KYAT3: variants seen among roughly 807,000 people sequenced by gnomAD.
KYAT3 encodes the protein kynurenine--oxoglutarate transaminase 3.
In KYAT3, 50 loss-of-function variants were observed where a neutral mutation model predicts 59.0. The ratio of observed to expected loss-of-function variants is 0.85; its 90% CI spans 0.68 to 1.07. The LOEUF (loss-of-function observed/expected upper bound fraction) is 1.07. Ranked by LOEUF, KYAT3 falls within the 50% of genes least tolerant of loss-of-function variation. The pLI is 0.00. For missense variants in KYAT3, 497 were observed against 533.3 expected (o/e 0.93, Z 0.67); for synonymous variants, 148 against 177.0 (o/e 0.84, Z 1.30).
intron 5 of KYAT3, among the ~76,000 whole-genome samples, chr1:88,963,390 G>A (rs1212852009): frequency 1.3e-5 from 2 of 152,182 alleles, no homozygotes; most frequent in African/African-American, 4.8e-5. Flanking sequence ...TCATTAACAT[G>A]TTTCCTTAAA....
chr1:88,944,035 C>T (rs7522494), intron 11 of KYAT3, among the ~76,000 whole-genome samples: 5,799 of 152,094 alleles, frequency 0.038, 317 homozygotes, highest in African/African-American at 0.12. Context: ...TATATTATAC[C>T]TTTTTTTAAA....
the KYAT3 span, among the ~76,000 whole-genome samples, chr1:88,926,346 C>T: frequency 1.3e-5 from 2 of 152,132 alleles, no homozygotes; most frequent in Non-Finnish European, 2.9e-5. Context: ...GGGTCTCGCT[C>T]TGTCACCCAG....
At chr1:88,983,553 C>T (rs201750479) in intron 2 of KYAT3, 8 of 1,614,240 alleles carry the variant, frequency 5.0e-6, no homozygotes, top group Non-Finnish European at 6.8e-6. Flanking sequence ...CCATGTCTAC[C>T]TCTTTCAAAT....
At chr1:88,991,983 G>GTTTT (rs10638041) in intron 1 of KYAT3, among the ~76,000 whole-genome samples, 28,090 of 144,620 alleles carry the variant, frequency 0.19, 3,421 homozygotes, top group Non-Finnish European at 0.25. Flanking sequence ...TATTCTTTTG[G>GTTTT]TTTTTTTTTT....
At chr1:88,963,497 G>C (rs371914493) in intron 5 of KYAT3, among the ~76,000 whole-genome samples, 44 of 152,178 alleles carry the variant, frequency 2.9e-4, no homozygotes, top group African/African-American at 1.0e-3. Flanking sequence ...TATGATAAAG[G>C]GTTATGAGAG....
chr1:88,970,515 T>C (rs1676515306), intron 2 of KYAT3, among the ~76,000 whole-genome samples: 1 of 152,200 alleles, frequency 6.6e-6, no homozygotes, highest in Non-Finnish European at 1.5e-5. Flanking sequence ...AACTATTATA[T>C]AATTTTATAC....
At chr1:88,947,261 G>A (rs1675479999) in intron 11 of KYAT3, among the ~76,000 whole-genome samples, 1 of 152,172 alleles carries the variant, frequency 6.6e-6, no homozygotes, top group Non-Finnish European at 1.5e-5. Flanking sequence ...GTCTCTGCAG[G>A]AAACCTGCTT....
intron 2 of KYAT3, chr1:88,983,345 G>A (rs761539523): frequency 6.2e-7 from 1 of 1,614,000 alleles, no homozygotes; most frequent in Non-Finnish European, 8.5e-7. Context: ...TCTCTTAGGA[G>A]AAGGACCCCC....
chr1:88,983,555 C>T (rs1183599036), intron 2 of KYAT3: 1 of 1,614,150 alleles, frequency 6.2e-7, no homozygotes, highest in Admixed American at 1.7e-5. Flanking sequence ...ATGTCTACCT[C>T]TTTCAAATGA....
At chr1:88,975,679 T>C (rs898759267) in intron 2 of KYAT3, among the ~76,000 whole-genome samples, 1 of 152,242 alleles carries the variant, frequency 6.6e-6, no homozygotes, top group Admixed American at 6.5e-5. Flanking sequence ...CACAGAGTCA[T>C]GTGCTGCATA....
chr1:88,944,913 G>A (rs1675377785), intron 11 of KYAT3, among the ~76,000 whole-genome samples: 1 of 151,990 alleles, frequency 6.6e-6, no homozygotes, highest in Non-Finnish European at 1.5e-5. Context: ...GCACGATCTC[G>A]GCTCACTGCA....
intron 5 of KYAT3, among the ~76,000 whole-genome samples, chr1:88,963,817 G>A (rs1219554228): frequency 6.6e-6 from 1 of 152,232 alleles, no homozygotes; most frequent in Non-Finnish European, 1.5e-5. Context: ...ATGCTAATGG[G>A]AAATACGGGT....
At chr1:88,931,880 C>CAAAAAAAAAAAAAAA (rs57089214), downstream of KYAT3, among the ~76,000 whole-genome samples, 4 of 30,984 alleles carry the variant, frequency 1.3e-4, 2 homozygotes, top group Non-Finnish European at 1.2e-4. Context: ...CCTGCAACTG[C>CAAAAAAAAAAAAAAA]AAAAAAAAAA....
intron 2 of KYAT3, among the ~76,000 whole-genome samples, chr1:88,973,136 A>G (rs1323200960): frequency 6.6e-6 from 1 of 152,216 alleles, no homozygotes; most frequent in Non-Finnish European, 1.5e-5. Flanking sequence ...TGATGCTCCT[A>G]CCAGCCAAGG....
intron 13 of KYAT3, among the ~76,000 whole-genome samples, chr1:88,941,160 G>A (rs184445135): frequency 2.0e-5 from 3 of 152,296 alleles, no homozygotes; most frequent in Admixed American, 6.5e-5. Flanking sequence ...TCAATCCAGT[G>A]TAAGATGAAG....
Position 88,977,262 on chromosome 1 carries a change from C to T in KYAT3, c.100-7795G>A, listed in dbSNP as rs188183322. 9.9e-4 allele frequency among the ~76,000 whole-genome samples: 150 copies of T among 152,238 alleles called. 3 individuals are homozygous for T. The highest frequency in any genetic ancestry group is 9.2e-3 in the Admixed American group (141 of 15,292). On this transcript the variant is annotated intron_variant, in intron 2 of 13. Transcript: ENST00000260508. The stretch of plus-strand genomic sequence containing the variant: ...TGTTGCCCAGGTTGGAATGCAACGG[C>T]GCAATCTTGGCTCATTGCAACCTCC...
In KYAT3 at chr1:88,984,204, CTTTTTTTT is replaced by C. The variant is rs908183722; in HGVS notation, c.99+4040_99+4047del. The C allele has an allele frequency of 7.3e-3, 596 of 81,756 alleles. 3 individuals are homozygous for C. The highest frequency in any genetic ancestry group is 0.024 in the African/African-American group (546 of 22,868). The allele number at this position is 81,756 out of a possible 1,614,324, so 5.1% of individuals were successfully genotyped here. On this transcript the variant is annotated intron_variant, in intron 2 of 13. Coordinates refer to ENST00000260508, the MANE Select transcript of KYAT3 (RefSeq NM_001008661.3). ...ATTAACAGGAGCCCTTTTTTTGTTG[CTTTTTTTT>C]TTTTTTTTTTTTTTTTTTGTAGACA...
chr1:88,945,044 A>G (rs988055077), intron 11 of KYAT3, among the ~76,000 whole-genome samples: 1 of 152,018 alleles, frequency 6.6e-6, no homozygotes, highest in Non-Finnish European at 1.5e-5. Context: ...GAATTTCACC[A>G]TGTTGGTCAG....
downstream of KYAT3, among the ~76,000 whole-genome samples, chr1:88,930,991 G>A (rs2101003219): frequency 6.6e-6 from 1 of 152,218 alleles, no homozygotes; most frequent in Middle Eastern, 3.4e-3. Flanking sequence ...AGGAAACCAA[G>A]CCCCGGTACT....
Sources: allele counts gnomAD v4.1 joint callset (sites outside exome capture counted in the v4.1 genomes callset), GRCh38; gene constraint gnomAD v4.1.1; transcripts MANE v1.5; gene names NCBI Gene and HGNC (gene_info 2026-07-23, HGNC 2026-07-21).